NAALAD2: variants seen among roughly 807,000 people sequenced by gnomAD.
NAALAD2 encodes the protein N-acetylated alpha-linked acidic dipeptidase 2, also known as N-acetylated-alpha-linked acidic dipeptidase 2.
NAALAD2 carries 89 observed loss-of-function variants against 95.6 expected under a neutral mutation model. That is an observed-to-expected ratio of 0.93 (90% CI 0.78 to 1.11). The LOEUF is 1.11. Among genes scored for constraint, NAALAD2 ranks in the 50% least tolerant of loss-of-function variants. The pLI, the probability that NAALAD2 is intolerant of heterozygous loss-of-function variation, is 0.00. For missense variants in NAALAD2, 894 were observed against 872.4 expected, an observed-to-expected ratio of 1.02 and a Z score of -0.31; for synonymous variants, 264 against 294.4, an observed-to-expected ratio of 0.90 and a Z score of 1.06.
chr11:90,182,825 A>G (rs1591026940), intron 17 of NAALAD2, 91 bp from the exon 18 acceptor site: 5 of 866,978 alleles, frequency 5.8e-6, no homozygotes, highest in East Asian at 5.0e-5. Context: ...TTTTAGAAAT[A>G]TATTTTCCCA....
At chr11:90,160,503 T>G (rs1952263534) in intron 8 of NAALAD2, among the ~76,000 whole-genome samples, 1 of 152,224 alleles carries the variant, frequency 6.6e-6, no homozygotes. Flanking sequence ...TCCAGAAATT[T>G]TAAAGTATTA....
chr11:90,170,105 T>G lies in NAALAD2; in HGVS notation c.1379T>G (p.Leu460Arg). 1.3e-6 allele frequency: 2 copies of G among 1,593,238 alleles called. No homozygotes were observed. The highest frequency in any genetic ancestry group is 1.7e-6 in the Non-Finnish European group (2 of 1,161,228). ...CTCAGAGTTGACTGTACTCCCCTTC[T>G]TTACCAATTAGTGTATAAACTGACA... is the stretch of plus-strand genomic sequence containing the variant. ...YTLRVDCTPLLYQLVYKLTKE... is the reference protein window; with the variant it reads ...YTLRVDCTPLRYQLVYKLTKE... The change falls in exon 13 of 19, where the codon CTT becomes CGT. Residue 460 changes from leucine (L) to arginine (R), a missense_variant. Leu to Arg is a moderately radical substitution (Grantham distance 102). Transcript: ENST00000534061.
intron 2 of NAALAD2, among the ~76,000 whole-genome samples, chr11:90,139,466 C>T (rs1387600274): frequency 6.6e-6 from 1 of 152,114 alleles, no homozygotes; most frequent in East Asian, 1.9e-4. Flanking sequence ...TTTTCATTTG[C>T]ATTAAAAAAC....
intron 11 of NAALAD2, chr11:90,163,976 T>G (rs955411426): frequency 5.3e-6 from 2 of 376,192 alleles, no homozygotes; most frequent in African/African-American, 4.2e-5. Context: ...GAGCTAATTT[T>G]CAAGTTTTTG....
intron 13 of NAALAD2, among the ~76,000 whole-genome samples, chr11:90,171,483 G>A (rs370058202): frequency 6.6e-6 from 1 of 152,146 alleles, no homozygotes; most frequent in Non-Finnish European, 1.5e-5. Context: ...TTTACTGAGA[G>A]AACCCTTTTT....
At chr11:90,168,805 A>G (rs1306708848) in intron 11 of NAALAD2, 124 bp from the exon 12 acceptor site, 2 of 723,998 alleles carry the variant, frequency 2.8e-6, no homozygotes, top group Non-Finnish European at 4.8e-6. Context: ...TCACAGATGG[A>G]CCTAGCTATT....
At chr11:90,142,652 G>A (rs1296912981) in intron 2 of NAALAD2, among the ~76,000 whole-genome samples, 1 of 151,930 alleles carries the variant, frequency 6.6e-6, no homozygotes, top group Non-Finnish European at 1.5e-5. Flanking sequence ...ATAGATATTT[G>A]CTTTTTTATC....
chr11:90,172,295 T>C (rs1391740434), intron 13 of NAALAD2, among the ~76,000 whole-genome samples: 1 of 152,144 alleles, frequency 6.6e-6, no homozygotes, highest in Non-Finnish European at 1.5e-5. Flanking sequence ...CTGTGGACCC[T>C]CTATGCAGTC....
At chr11:90,157,905 G>C (rs997826211) in intron 6 of NAALAD2, among the ~76,000 whole-genome samples, 1 of 152,100 alleles carries the variant, frequency 6.6e-6, no homozygotes, top group African/African-American at 2.4e-5. Context: ...ATTTTCAGTA[G>C]AGACGGGGTT....
Position 90,164,053 on chromosome 11 carries a change from C to G in NAALAD2, c.1278+436C>G, listed in dbSNP as rs1952371255. ...TTCTATTAAGATGGCCATATATTGA[C>G]TATATTTTCACATTGACAGATTCCA... On this transcript the variant is annotated intron_variant, in intron 11 of 18. Coordinates refer to ENST00000534061, the MANE Select transcript of NAALAD2 (RefSeq NM_005467.4). The G allele has an allele frequency of 2.2e-5, 5 of 229,500 alleles. 1 individual carries two copies. The South Asian group carries it at 7.2e-4, about 33-fold the overall frequency. 14.2% of individuals were successfully genotyped at this position (229,500 alleles called of 1,614,324 possible).
At chr11:90,185,419 C>T (rs960896989) in intron 18 of NAALAD2, among the ~76,000 whole-genome samples, 1 of 151,838 alleles carries the variant, frequency 6.6e-6, no homozygotes, top group African/African-American at 2.4e-5. Context: ...ACTTGTAATC[C>T]CAGCGCTTTG....
intron 15 of NAALAD2, among the ~76,000 whole-genome samples, chr11:90,177,140 G>A (rs192633511): frequency 1.8e-3 from 281 of 152,118 alleles, no homozygotes; most frequent in African/African-American, 6.2e-3. Flanking sequence ...AAGGCAGACC[G>A]AAGAACTAAA....
rs567384649 is a variant in NAALAD2, at chr11:90,152,512, A to G, written c.796+28A>G. 9.0e-6 allele frequency: 14 copies of G among 1,556,854 alleles called. No homozygotes were observed. In the South Asian group the frequency reaches 1.1e-4, roughly 12 times the overall value. ...AAGGGATGAGCCTATCAGTCCACCA[A>G]TTTTGCAAAAATACTCCTTGCCCTT... On this transcript the variant is annotated intron_variant, in intron 6 of 18. Coordinates refer to ENST00000534061, the MANE Select transcript of NAALAD2 (RefSeq NM_005467.4).
chr11:90,147,276 C>T (rs1951769220), intron 2 of NAALAD2, 54 bp from the exon 3 acceptor site: 8 of 1,376,172 alleles, frequency 5.8e-6, no homozygotes, highest in Non-Finnish European at 7.1e-6. Flanking sequence ...AGTTCTTAGG[C>T]ACATCGTCTG....
intron 13 of NAALAD2, among the ~76,000 whole-genome samples, chr11:90,173,259 T>A (rs1952692171): frequency 6.6e-6 from 1 of 152,056 alleles, no homozygotes; most frequent in Non-Finnish European, 1.5e-5. Context: ...TTTTAAAAAA[T>A]CCATAAAATT....
Position 90,147,367 on chromosome 11 carries a change from C to T in NAALAD2, c.232C>T (p.Gln78Ter), listed in dbSNP as rs573695006. 3 of 1,613,910 alleles carry T rather than the reference C, an allele frequency of 1.9e-6. No homozygotes were observed. The highest frequency in any genetic ancestry group is 2.5e-6 in the Non-Finnish European group (3 of 1,179,942). ...TKLPHLAGTEQNFLLAKKIQT... is the reference protein window; with the variant it reads ...TKLPHLAGTE ...GCTTCCTCATCTGGCAGGAACAGAA[C>T]AAAATTTCTTGCTTGCCAAGAAAAT... The change falls in exon 3 of 19, where the codon CAA (glutamine) becomes TAA (stop). Residue 78 changes from glutamine (Q) to a stop codon, truncating the protein, a stop_gained. Coordinates refer to ENST00000534061, the MANE Select transcript of NAALAD2 (RefSeq NM_005467.4). LOFTEE classifies it high-confidence loss of function.
chr11:90,178,058 G>A lies in NAALAD2; in HGVS notation c.1799G>A (p.Ser600Asn), dbSNP rs781733607. Reference sequence around the variant, plus strand: ...GAAGCTTTGAAAAACTATGCAGCAAGTATCTATAATCTATCTAAGAAACAT... The same window carrying A: ...GAAGCTTTGAAAAACTATGCAGCAAATATCTATAATCTATCTAAGAAACAT... ...YAEALKNYAA[S>N]IYNLSKKHDQ... The change falls in exon 16 of 19, where the codon AGT (serine) becomes AAT (asparagine). Residue 600 changes from serine to asparagine, a missense_variant. Transcript: ENST00000534061. 2.5e-6 allele frequency: 4 copies of A among 1,613,696 alleles called. No homozygotes were observed. Among genetic ancestry groups the A allele is most frequent in the Non-Finnish European group, 3.4e-6 (4 of 1,179,834 alleles).
At chr11:90,163,966 G>C (rs1025580730) in intron 11 of NAALAD2, 3 of 389,848 alleles carry the variant, frequency 7.7e-6, no homozygotes, top group Non-Finnish European at 1.3e-5. Flanking sequence ...CAGATGCTTA[G>C]AGCTAATTTT....
intron 14 of NAALAD2, among the ~76,000 whole-genome samples, chr11:90,174,135 C>T (rs1952718104): frequency 6.6e-6 from 1 of 152,072 alleles, no homozygotes; most frequent in East Asian, 1.9e-4. Flanking sequence ...CATTGGAGAC[C>T]AGCCTGGCCA....
Sources: gnomAD v4.1 joint callset for allele counts (sites outside exome capture counted in the v4.1 genomes callset) on GRCh38, gnomAD v4.1.1 for gene constraint, MANE v1.5 for transcripts, NCBI Gene and HGNC (gene_info 2026-07-23, HGNC 2026-07-21) for gene names.